ITGA1: variants seen among roughly 807,000 people sequenced by gnomAD.
ITGA1 encodes integrin subunit alpha 1.
A neutral mutation model predicts 145.9 loss-of-function variants in ITGA1; 85 were observed. The ratio of observed to expected loss-of-function variants is 0.58; its 90% confidence interval spans 0.49 to 0.70. ITGA1 has a LOEUF of 0.70. ITGA1 is among the 30% of genes least tolerant of loss of function. ITGA1 has a pLI of 0.00. For synonymous variants in ITGA1, 520 were observed against 495.3 expected (o/e 1.05, Z -0.66); for missense variants, 1,351 against 1,418.7 (o/e 0.95, Z 0.77).
chr5:52,952,077 C>A (rs1158659634), intron 28 of ITGA1, among the ~76,000 whole-genome samples: 3 of 151,842 alleles, frequency 2.0e-5, no homozygotes, highest in Non-Finnish European at 2.9e-5. Flanking sequence ...GTAGTCCCAG[C>A]TACCCAGGAG....
At chr5:52,873,855 T>C (rs1749823687) in intron 6 of ITGA1, among the ~76,000 whole-genome samples, 1 of 152,150 alleles carries the variant, frequency 6.6e-6, no homozygotes, top group Admixed American at 6.6e-5. Context: ...TAATATTAGT[T>C]ATTGAATGAA....
intron 7 of ITGA1, among the ~76,000 whole-genome samples, chr5:52,885,180 C>G (rs1750028346): frequency 6.6e-6 from 1 of 152,054 alleles, no homozygotes; most frequent in African/African-American, 2.4e-5. Flanking sequence ...GTTCAGCAAC[C>G]TGGAAACTTT....
At position 52,861,505 on chromosome 5, in the gene ITGA1, A is replaced by G. The variant is rs1314110288; in HGVS notation, c.241A>G (p.Lys81Glu). 1 of 1,613,870 alleles carries G rather than the reference A, an allele frequency of 6.2e-7. No homozygotes were observed. Among genetic ancestry groups the G allele is most frequent in the Non-Finnish European group, 8.5e-7 (1 of 1,179,820 alleles). Residue 81 changes from lysine (K) to glutamate (E), a missense_variant, in exon 3 of 29, where the codon AAG (lysine) becomes GAG (glutamate). Lys to Glu is a moderately conservative substitution (Grantham distance 56). Coordinates refer to ENST00000282588, the MANE Select transcript of ITGA1 (RefSeq NM_181501.2). ...CAAAAACAGAACTGGAGATGTCTATAAGTGTCCAGTTGGGAGAGGTGAATC... is the reference window on the plus strand; with the variant it reads ...CAAAAACAGAACTGGAGATGTCTATGAGTGTCCAGTTGGGAGAGGTGAATC... ...QPKNRTGDVYKCPVGRGESLP... is the reference protein window; with the variant it reads ...QPKNRTGDVYECPVGRGESLP...
chr5:52,930,081 G>GATA (rs1161642358), intron 21 of ITGA1, among the ~76,000 whole-genome samples: 4 of 152,120 alleles, frequency 2.6e-5, no homozygotes, highest in African/African-American at 9.7e-5. Flanking sequence ...AAAGTTTTAT[G>GATA]ATATCCTTTT....
intron 1 of ITGA1, among the ~76,000 whole-genome samples, chr5:52,821,070 A>G (rs1748872031): frequency 6.6e-6 from 1 of 152,176 alleles, no homozygotes; most frequent in Non-Finnish European, 1.5e-5. Flanking sequence ...TGAAACAATT[A>G]TGTATTCTGA....
At chr5:52,897,600 C>A in intron 10 of ITGA1, 72 bp downstream of exon 10, 1 of 1,109,728 alleles carries the variant, frequency 9.0e-7, no homozygotes. Context: ...AACATCTAGC[C>A]ATCAGTATGT....
chr5:52,909,166 C>CA (rs1293594141), intron 13 of ITGA1, 125 bp downstream of exon 13: 35 of 928,306 alleles, frequency 3.8e-5, no homozygotes, highest in Non-Finnish European at 5.7e-5. Context: ...AGGATTCATT[C>CA]ACTCCACCAA....
chr5:52,828,129 C>T (rs939234427), intron 1 of ITGA1, among the ~76,000 whole-genome samples: 1 of 152,120 alleles, frequency 6.6e-6, no homozygotes, highest in Non-Finnish European at 1.5e-5. Flanking sequence ...CAAGTTTTCT[C>T]TGAACATATG....
intron 1 of ITGA1, among the ~76,000 whole-genome samples, chr5:52,822,585 G>C (rs576188566): frequency 6.6e-6 from 1 of 152,306 alleles, no homozygotes; most frequent in South Asian, 2.1e-4. Context: ...TGGCCAAGTG[G>C]CCCAAGCCTG....
intron 15 of ITGA1, among the ~76,000 whole-genome samples, chr5:52,917,901 A>G (rs1750671950): frequency 2.6e-5 from 4 of 152,210 alleles, no homozygotes; most frequent in Admixed American, 2.0e-4. Flanking sequence ...ATGCAAAAGC[A>G]TAAGTAGTGA....
chr5:52,881,797 T>C, intron 6 of ITGA1, 76 bp from the exon 7 acceptor site: 3 of 1,368,020 alleles, frequency 2.2e-6, no homozygotes, highest in Non-Finnish European at 2.0e-6. Flanking sequence ...TTATATCTGA[T>C]TCACATGGTT....
At chr5:52,878,149 CG>C (rs1268174908) in intron 6 of ITGA1, among the ~76,000 whole-genome samples, 1 of 152,048 alleles carries the variant, frequency 6.6e-6, no homozygotes, top group Non-Finnish European at 1.5e-5. Flanking sequence ...CTGAGGAGGA[CG>C]GGGGACTCCC....
At chr5:52,928,045 GT>G (rs1750839702) in intron 20 of ITGA1, among the ~76,000 whole-genome samples, 1 of 152,168 alleles carries the variant, frequency 6.6e-6, no homozygotes, top group South Asian at 2.1e-4. Flanking sequence ...CACTGAATCT[GT>G]TGGTGCCTTG....
At chr5:52,913,438 G>A (rs1208594740) in intron 14 of ITGA1, among the ~76,000 whole-genome samples, 3 of 152,128 alleles carry the variant, frequency 2.0e-5, no homozygotes, top group African/African-American at 7.2e-5. Flanking sequence ...TGAATATTAA[G>A]TTTAAGCTGC....
At chr5:52,891,598 A>G (rs2111821498) in intron 8 of ITGA1, among the ~76,000 whole-genome samples, 1 of 151,386 alleles carries the variant, frequency 6.6e-6, no homozygotes, top group South Asian at 2.1e-4. Flanking sequence ...ATCTTCAGGT[A>G]ACACTTGCAA....
chr5:52,848,182 A>G (rs1455266285), intron 1 of ITGA1, among the ~76,000 whole-genome samples: 2 of 152,238 alleles, frequency 1.3e-5, no homozygotes, highest in Non-Finnish European at 2.9e-5. Flanking sequence ...TTTCCATCCA[A>G]TTAAGGAAGG....
intron 1 of ITGA1, chr5:52,803,615 A>G (rs1427786505): frequency 6.6e-6 from 1 of 152,212 alleles, no homozygotes; most frequent in Non-Finnish European, 1.5e-5. Flanking sequence ...GACTAGTTAA[A>G]TAACGTTTTA....
chr5:52,920,392 G>C lies in ITGA1; in HGVS notation c.2216G>C (p.Gly739Ala), dbSNP rs1422485427. ...CAAATATCACGAAGTTTTTTCTCTG[G>C]AACTCAAGAGAGAAAGGTTCAAAGG... ...LRQISRSFFSGTQERKVQRNI... is the reference protein window; with the variant it reads ...LRQISRSFFSATQERKVQRNI... The change falls in exon 17 of 29, where the codon GGA becomes GCA. Residue 739 changes from glycine (G) to alanine (A), a missense_variant. Gly to Ala is a moderately conservative substitution (Grantham distance 60). Coordinates refer to ENST00000282588, the MANE Select transcript of ITGA1 (RefSeq NM_181501.2). 1 of 1,611,766 alleles carries C rather than the reference G, an allele frequency of 6.2e-7. No individual in the cohort carries two copies. Among genetic ancestry groups the C allele is most frequent in the South Asian group, 1.1e-5 (1 of 90,776 alleles).
intron 26 of ITGA1, among the ~76,000 whole-genome samples, chr5:52,942,136 T>C (rs139145249): frequency 5.6e-4 from 86 of 152,306 alleles, no homozygotes; most frequent in Non-Finnish European, 1.1e-3. Context: ...CTGGTCCATG[T>C]GGCTCTTCTG....
Sources: allele counts gnomAD v4.1 joint callset (sites outside exome capture counted in the v4.1 genomes callset), GRCh38; gene constraint gnomAD v4.1.1; transcripts MANE v1.5; gene names NCBI Gene and HGNC (gene_info 2026-07-23, HGNC 2026-07-21).